The following TLCD4 variants were observed in gnomAD, a reference collection of about 807,000 sequenced individuals.
TLCD4 encodes TLC domain containing 4, also known as TLC domain-containing protein 4.
Under a neutral mutation model 24.2 loss-of-function variants are expected in TLCD4, and 7 were observed. The observed-to-expected ratio is 0.29, with a 90% confidence interval of 0.16 to 0.54. The LOEUF (loss-of-function observed/expected upper bound fraction) is 0.54, where lower values mean the gene tolerates loss of function less well. Ranked by LOEUF, TLCD4 falls within the 20% of genes least tolerant of loss-of-function variation. TLCD4 has a pLI of 0.95. For synonymous variants in TLCD4, 103 were observed against 106.4 expected, an observed-to-expected ratio of 0.97 and a Z score of 0.20; for missense variants, 259 against 313.9, an observed-to-expected ratio of 0.82 and a Z score of 1.32.
intron 6 of TLCD4, among the ~76,000 whole-genome samples, chr1:95,174,756 A>T (rs1678363806): frequency 6.6e-6 from 1 of 152,124 alleles, no homozygotes; most frequent in Admixed American, 6.6e-5. Context: ...ACAATTTGTA[A>T]TATTGATAGT....
intron 1 of TLCD4, among the ~76,000 whole-genome samples, chr1:95,142,458 T>C (rs1355170733): frequency 6.6e-6 from 1 of 152,032 alleles, no homozygotes; most frequent in Non-Finnish European, 1.5e-5. Context: ...AACAAAGAAT[T>C]AGACAAAATG....
chr1:95,163,850 T>C (rs1677919081), intron 5 of TLCD4: 1 of 152,880 alleles, frequency 6.5e-6, no homozygotes, highest in African/African-American at 2.4e-5. Flanking sequence ...TGCTGCCTGA[T>C]CCTTCCTCTG....
At chr1:95,140,348 G>A (rs974546491) in intron 1 of TLCD4, among the ~76,000 whole-genome samples, 1 of 152,126 alleles carries the variant, frequency 6.6e-6, no homozygotes, top group African/African-American at 2.4e-5. Context: ...GCGTCTCTAG[G>A]TGATAGGAAT....
chr1:95,093,814 A>G, the TLCD4 span, among the ~76,000 whole-genome samples: 1 of 152,260 alleles, frequency 6.6e-6, no homozygotes, highest in African/African-American at 2.4e-5. Context: ...GAGAGACTTC[A>G]ACTATAACAT....
chr1:95,168,759 T>C (rs886810708), intron 5 of TLCD4, among the ~76,000 whole-genome samples: 1 of 152,092 alleles, frequency 6.6e-6, no homozygotes, highest in Non-Finnish European at 1.5e-5. Flanking sequence ...AGAGGTGATG[T>C]GCTTGTTTAA....
chr1:95,168,478 CT>C (rs1678093840), intron 5 of TLCD4, among the ~76,000 whole-genome samples: 1 of 147,274 alleles, frequency 6.8e-6, no homozygotes, highest in Non-Finnish European at 1.5e-5. Context: ...ACTTCTAATT[CT>C]GTTCCACTGA....
At chr1:95,130,313 C>G (rs912974561) in intron 1 of TLCD4, among the ~76,000 whole-genome samples, 4 of 152,050 alleles carry the variant, frequency 2.6e-5, no homozygotes, top group Admixed American at 6.6e-5. Flanking sequence ...CCTCCATACC[C>G]AGCTAATTTT....
At chr1:95,098,213 G>A in the TLCD4 span, among the ~76,000 whole-genome samples, 1 of 152,086 alleles carries the variant, frequency 6.6e-6, no homozygotes, top group African/African-American at 2.4e-5. Flanking sequence ...CATAATAACT[G>A]GTGGTTTTTT....
At chr1:95,172,422 G>A (rs908180741) in intron 5 of TLCD4, among the ~76,000 whole-genome samples, 3 of 152,134 alleles carry the variant, frequency 2.0e-5, no homozygotes, top group African/African-American at 7.2e-5. Flanking sequence ...TAAAACCTGT[G>A]CATAATTCTT....
chr1:95,170,478 C>T (rs1464720109), intron 5 of TLCD4, among the ~76,000 whole-genome samples: 2 of 151,804 alleles, frequency 1.3e-5, no homozygotes, highest in African/African-American at 4.8e-5. Flanking sequence ...TATAGGCACC[C>T]GCCACCACGC....
intron 6 of TLCD4, among the ~76,000 whole-genome samples, chr1:95,188,494 G>A (rs935187311): frequency 1.3e-5 from 2 of 151,886 alleles, no homozygotes; most frequent in African/African-American, 4.8e-5. Context: ...CCTTGTTGAA[G>A]GTGTGATTTC....
At chr1:95,181,873 C>T (rs1255250291) in intron 6 of TLCD4, among the ~76,000 whole-genome samples, 2 of 152,142 alleles carry the variant, frequency 1.3e-5, no homozygotes, top group African/African-American at 2.4e-5. Flanking sequence ...CCCGCCTCGG[C>T]CTCCCCAAGT....
chr1:95,161,240 A>G (rs1316170703), intron 5 of TLCD4, among the ~76,000 whole-genome samples: 1 of 152,094 alleles, frequency 6.6e-6, no homozygotes, highest in Non-Finnish European at 1.5e-5. Flanking sequence ...GGGAGGGTGT[A>G]TGTGTCCAGG....
chr1:95,191,432 G>T (rs946678849), intron 6 of TLCD4, 118 bp from the exon 7 acceptor site: 8 of 1,270,220 alleles, frequency 6.3e-6, no homozygotes, highest in Non-Finnish European at 1.1e-6. Context: ...CATTGCGTAT[G>T]CTATTCTAGG....
the TLCD4 span, among the ~76,000 whole-genome samples, chr1:95,098,812 C>T: frequency 6.6e-6 from 1 of 151,994 alleles, no homozygotes; most frequent in Non-Finnish European, 1.5e-5. Flanking sequence ...CACCTGTAAT[C>T]CCAGCACTTT....
intron 5 of TLCD4, among the ~76,000 whole-genome samples, chr1:95,165,505 C>A (rs1677987428): frequency 4.0e-5 from 6 of 150,336 alleles, no homozygotes; most frequent in Admixed American, 4.0e-4. Context: ...CGCTCTTGTC[C>A]CCCAGGGTGG....
the TLCD4 span, among the ~76,000 whole-genome samples, chr1:95,112,221 T>A: frequency 1.3e-5 from 2 of 151,946 alleles, no homozygotes; most frequent in South Asian, 4.2e-4. Flanking sequence ...ATCAACCTTC[T>A]CCTCCTTCTG....
At chr1:95,121,747 G>A (rs1031656924) in intron 1 of TLCD4, among the ~76,000 whole-genome samples, 2 of 152,248 alleles carry the variant, frequency 1.3e-5, no homozygotes, top group African/African-American at 2.4e-5. Context: ...TGGGATTACA[G>A]GCGTGAGCCT....
chr1:95,191,944 G>T lies in TLCD4; in HGVS notation c.*76G>T, dbSNP rs927109782. ...TAGGATGAATTCTTGGCATGTTCTT[G>T]TGTACCTTTCTTAATTATAATTGTT... On this transcript the variant is annotated 3_prime_UTR_variant, in exon 7 of 7. Coordinates refer to ENST00000370203, the MANE Select transcript of TLCD4 (RefSeq NM_152487.3). 2.0e-6 allele frequency: 3 copies of T among 1,509,604 alleles called. No individual in the cohort carries two copies. The highest frequency in any genetic ancestry group is 2.3e-5 in the Admixed American group (1 of 43,158). 93.5% of individuals were successfully genotyped at this position (1,509,604 alleles called of 1,614,324 possible).
Sources: gnomAD v4.1 joint callset for allele counts (sites outside exome capture counted in the v4.1 genomes callset) on GRCh38, gnomAD v4.1.1 for gene constraint, MANE v1.5 for transcripts, NCBI Gene and HGNC (gene_info 2026-07-23, HGNC 2026-07-21) for gene names.